SOBP: variants seen among roughly 807,000 people sequenced by gnomAD.
SOBP encodes sine oculis binding protein homolog.
A neutral mutation model predicts 53.6 loss-of-function variants in SOBP; 4 were observed. The observed-to-expected ratio is 0.07, with a 90% CI of 0.04 to 0.17. SOBP has a LOEUF of 0.17. Among genes scored for constraint, SOBP ranks in the 10% least tolerant of loss-of-function variants. The probability of loss-of-function intolerance (pLI) is 1.00; values close to 1 mark genes in which losing one functional copy is unlikely to be tolerated. For synonymous variants in SOBP, 584 were observed against 522.6 expected (o/e 1.12, Z -1.60); for missense variants, 1,088 against 1,204.7 (o/e 0.90, Z 1.43).
rs1488864217 is a variant in SOBP, at chr6:107,557,504, G to C, written c.573+23894G>C. Among the ~76,000 whole-genome samples the C allele has an allele frequency of 3.3e-5, 5 of 152,276 alleles. No homozygotes were observed. The East Asian group carries it at 7.7e-4, about 23-fold the overall frequency. ...GCTACTCTTTCAAGAATGGCAAAAT[G>C]AATCAAAAATCAAAGTATATCTGAT... On this transcript the variant is annotated intron_variant, in intron 4 of 6. Transcript: ENST00000317357.
chr6:107,640,266 C>T (rs1044980170), intron 6 of SOBP, among the ~76,000 whole-genome samples: 6 of 152,230 alleles, frequency 3.9e-5, no homozygotes, highest in African/African-American at 1.4e-4. Flanking sequence ...ACTATAGGTG[C>T]CTACTTTTAA....
At chr6:107,650,180 G>C (rs1283647471) in intron 6 of SOBP, among the ~76,000 whole-genome samples, 3 of 152,086 alleles carry the variant, frequency 2.0e-5, no homozygotes, top group Non-Finnish European at 4.4e-5. Flanking sequence ...TTTATTTTTA[G>C]TACTCAGGAA....
intron 4 of SOBP, among the ~76,000 whole-genome samples, chr6:107,564,144 C>G (rs1365823896): frequency 1.3e-5 from 2 of 152,174 alleles, no homozygotes; most frequent in Non-Finnish European, 1.5e-5. Flanking sequence ...GCGCGTTTCC[C>G]TATAAAGGAA....
In SOBP at chr6:107,659,646, A is replaced by C. The variant is rs1003738953; in HGVS notation, c.*1443A>C. The stretch of plus-strand genomic sequence containing the variant: ...GTGCCCCCGCCCCACAAGGCCGCGG[A>C]GCCTCAGCAGGAGGGGTGGCGAGTT... On this transcript the variant is annotated 3_prime_UTR_variant, in exon 7 of 7. Coordinates refer to ENST00000317357, the MANE Select transcript of SOBP (RefSeq NM_018013.4). 6.6e-6 allele frequency: 1 copy of C among 152,630 alleles called. No individual in the cohort carries two copies. The highest frequency in any genetic ancestry group is 2.4e-5 in the African/African-American group (1 of 41,408). 9.5% of individuals were successfully genotyped at this position (152,630 alleles called of 1,614,324 possible). A position where few individuals can be genotyped will look rare whatever the true frequency, so the allele number is the denominator to read the frequency against.
chr6:107,533,699 C>T lies in SOBP; in HGVS notation c.573+89C>T, dbSNP rs1214386177. On this transcript the variant is annotated intron_variant, in intron 4 of 6. Coordinates refer to ENST00000317357, the MANE Select transcript of SOBP (RefSeq NM_018013.4). ...TCATAGCTTCTAGCGGAAAACACTG[C>T]GCACCTTTTACTTTTATATTTTTAT... 12 of 1,501,984 alleles carry T rather than the reference C, an allele frequency of 8.0e-6. No homozygotes were observed. The South Asian group carries it at 9.2e-5, about 12-fold the overall frequency. 93.0% of individuals were successfully genotyped at this position (1,501,984 alleles called of 1,614,324 possible).
Position 107,634,250 on chromosome 6 carries a change from C to A in SOBP, c.1406C>A (p.Pro469His). Residue 469 changes from proline (P) to histidine (H), a missense_variant, in exon 6 of 7, where the codon CCC becomes CAC. By Grantham distance (77) the Pro-to-His change is moderately conservative (BLOSUM62 -2). Around this residue, in one of 6 missense-constraint regions of SOBP, gnomAD observed 665 missense variants for 629.7 expected, o/e 1.06. Coordinates refer to ENST00000317357, the MANE Select transcript of SOBP (RefSeq NM_018013.4). This position sits in a 1 kb window ranked among gnomAD's most constrained non-coding sequence, Gnocchi z 4.5. ...CACCCCCCGAGCACCCCCACCATGC[C>A]CGGGAACCCCCCAGGCCTGCTGCCC... is the stretch of plus-strand genomic sequence containing the variant. ...HIHPPSTPTM[P>H]GNPPGLLPPP... 1 of 1,573,762 alleles carries A rather than the reference C, an allele frequency of 6.4e-7. No homozygotes were observed. Among genetic ancestry groups the A allele is most frequent in the Non-Finnish European group, 8.6e-7 (1 of 1,165,604 alleles).
At position 107,660,798 on chromosome 6, in the gene SOBP, G is replaced by A. The variant is rs1466166127; in HGVS notation, c.*2595G>A. ...CGACCTGTTCAGAGTCTCGCACTTAGTTGATTTAGCTTCTCAAAAAAATGA... is the reference window on the plus strand; with the variant it reads ...CGACCTGTTCAGAGTCTCGCACTTAATTGATTTAGCTTCTCAAAAAAATGA... On this transcript the variant is annotated 3_prime_UTR_variant, in exon 7 of 7. Transcript: ENST00000317357. Among the ~76,000 whole-genome samples, 3 of 152,172 alleles carry A rather than the reference G, an allele frequency of 2.0e-5. No homozygotes were observed. The highest frequency in any genetic ancestry group is 4.4e-5 in the Non-Finnish European group (3 of 68,032).
At chr6:107,653,442 A>G (rs1175176722) in intron 6 of SOBP, among the ~76,000 whole-genome samples, 1 of 152,346 alleles carries the variant, frequency 6.6e-6, no homozygotes, top group Non-Finnish European at 1.5e-5. Context: ...TAACTGTGAT[A>G]AGTGATGGGC....
intron 6 of SOBP, among the ~76,000 whole-genome samples, chr6:107,644,437 A>G (rs1416063819): frequency 1.3e-5 from 2 of 152,214 alleles, no homozygotes; most frequent in African/African-American, 2.4e-5. Flanking sequence ...TGAATTCTTT[A>G]CTATTTGCCT....
At chr6:107,652,781 G>A (rs575632968) in intron 6 of SOBP, among the ~76,000 whole-genome samples, 1 of 151,884 alleles carries the variant, frequency 6.6e-6, no homozygotes, top group East Asian at 1.9e-4. Flanking sequence ...TTAGTCAGCA[G>A]CCGTCAGTAT....
chr6:107,563,262 A>G (rs1035766266), intron 4 of SOBP, among the ~76,000 whole-genome samples: 3 of 152,192 alleles, frequency 2.0e-5, no homozygotes, highest in African/African-American at 7.2e-5. Context: ...ATCGCAAACA[A>G]AGAAGAAAAA....
intron 5 of SOBP, among the ~76,000 whole-genome samples, chr6:107,596,168 T>G (rs1185923078): frequency 1.3e-5 from 2 of 152,296 alleles, no homozygotes; most frequent in East Asian, 3.9e-4. Context: ...CTCACAGCAT[T>G]TTTCATGAAT....
At chr6:107,568,964 G>A (rs974094148) in intron 4 of SOBP, among the ~76,000 whole-genome samples, 2 of 151,938 alleles carry the variant, frequency 1.3e-5, no homozygotes, top group South Asian at 2.1e-4. Context: ...AGAAAGATCC[G>A]TGATTGGAAG....
Position 107,506,934 on chromosome 6 carries a change from A to G in SOBP, c.421+507A>G, listed in dbSNP as rs565001002. The stretch of plus-strand genomic sequence containing the variant: ...TAGTTAGGTGTGGTGGCGGGCTAGT[A>G]ATTAGCTAGTAATCCCACCTACTCG... On this transcript the variant is annotated intron_variant, in intron 3 of 6. Transcript: ENST00000317357. 8.6e-5 allele frequency among the ~76,000 whole-genome samples: 13 copies of G among 151,978 alleles called. No homozygotes were observed. In the South Asian group the frequency reaches 2.1e-3, roughly 24 times the overall value.
intron 4 of SOBP, among the ~76,000 whole-genome samples, chr6:107,535,138 A>G (rs867931941): frequency 2.8e-4 from 43 of 152,328 alleles, no homozygotes; most frequent in South Asian, 1.5e-3. Context: ...AAATCAAGCA[A>G]GATGGATTTG....
At chr6:107,562,519 T>C (rs1784801138) in intron 4 of SOBP, among the ~76,000 whole-genome samples, 2 of 152,242 alleles carry the variant, frequency 1.3e-5, no homozygotes, top group Non-Finnish European at 2.9e-5. Flanking sequence ...CTTGTCTTCC[T>C]CAGATAATTT....
chr6:107,606,567 T>C (rs1357002868), intron 5 of SOBP, among the ~76,000 whole-genome samples: 2 of 152,130 alleles, frequency 1.3e-5, no homozygotes, highest in Non-Finnish European at 2.9e-5. Flanking sequence ...GCTCCAGCTG[T>C]GGGGGAAAAG....
intron 1 of SOBP, among the ~76,000 whole-genome samples, chr6:107,497,071 C>G (rs561602136): frequency 6.6e-6 from 1 of 152,300 alleles, no homozygotes; most frequent in East Asian, 1.9e-4. Flanking sequence ...CTGCAGATTA[C>G]CTTTCTTTAT....
chr6:107,566,336 T>C (rs1350530591), intron 4 of SOBP, among the ~76,000 whole-genome samples: 1 of 152,236 alleles, frequency 6.6e-6, no homozygotes, highest in Admixed American at 6.5e-5. Flanking sequence ...AAAATCCTTA[T>C]GTTTGTTCAC....
Sources: gnomAD v4.1 joint callset for allele counts (sites outside exome capture counted in the v4.1 genomes callset) on GRCh38, gnomAD v4.1.1 for gene constraint, gnomAD v4.1.1 regional missense constraint, Gnocchi (gnomAD v3.1) non-coding constraint, MANE v1.5 for transcripts, NCBI Gene and HGNC (gene_info 2026-07-23, HGNC 2026-07-21) for gene names.